DPP6: variants seen among roughly 807,000 people sequenced by gnomAD.
DPP6 encodes dipeptidyl peptidase like 6.
A neutral mutation model predicts 122.6 loss-of-function variants in DPP6; 69 were observed. That is an observed-to-expected ratio of 0.56 (90% CI 0.46 to 0.69). DPP6 has a LOEUF of 0.69. Among genes scored for constraint, DPP6 ranks in the 30% least tolerant of loss-of-function variants. The pLI is 0.00. For missense variants in DPP6, 928 were observed against 1,116.9 expected (o/e 0.83, Z 2.41); for synonymous variants, 418 against 433.1 (o/e 0.97, Z 0.43).
At chr7:154,195,919 G>C (rs1386298476) in intron 1 of DPP6, among the ~76,000 whole-genome samples, 1 of 152,182 alleles carries the variant, frequency 6.6e-6, no homozygotes, top group Non-Finnish European at 1.5e-5. Context: ...TGCCTTGTGT[G>C]AGGGATGTGG....
chr7:154,859,892 C>T (rs988112794), intron 17 of DPP6, among the ~76,000 whole-genome samples: 5 of 152,196 alleles, frequency 3.3e-5, no homozygotes, highest in African/African-American at 1.2e-4. Flanking sequence ...TGCAGCCCCA[C>T]AGCCATGCAG....
intron 1 of DPP6, among the ~76,000 whole-genome samples, chr7:154,261,076 A>G (rs1184737051): frequency 6.6e-6 from 1 of 152,000 alleles, no homozygotes; most frequent in East Asian, 1.9e-4. Flanking sequence ...TTGTATTTTT[A>G]GTAGAGACAG....
intron 16 of DPP6, among the ~76,000 whole-genome samples, chr7:154,815,314 C>G (rs533940590): frequency 6.6e-6 from 1 of 152,310 alleles, no homozygotes; most frequent in African/African-American, 2.4e-5. Context: ...TACTTCTTCC[C>G]TGTCATAATG....
chr7:153,786,751 A>G, the DPP6 span, among the ~76,000 whole-genome samples: 6 of 141,804 alleles, frequency 4.2e-5, no homozygotes, highest in African/African-American at 7.7e-5. Context: ...AAAAAAAAAA[A>G]AAAAAAAAAA....
chr7:154,529,706 G>T (rs1040381390), intron 3 of DPP6, among the ~76,000 whole-genome samples: 2 of 152,098 alleles, frequency 1.3e-5, no homozygotes, highest in Admixed American at 1.3e-4. Flanking sequence ...AATCTCAGCA[G>T]AAAACATAAA....
chr7:153,994,836 C>T (rs1198425756), intron 1 of DPP6, among the ~76,000 whole-genome samples: 1 of 152,024 alleles, frequency 6.6e-6, no homozygotes, highest in Admixed American at 6.5e-5. Flanking sequence ...ATAAAATGTC[C>T]CTACAGATAA....
At chr7:154,512,590 A>T (rs1192986041) in intron 3 of DPP6, among the ~76,000 whole-genome samples, 1 of 152,172 alleles carries the variant, frequency 6.6e-6, no homozygotes, top group Non-Finnish European at 1.5e-5. Flanking sequence ...GATGGGGAGG[A>T]TAATGAAGGC....
the DPP6 span, among the ~76,000 whole-genome samples, chr7:153,869,619 G>A: frequency 6.6e-6 from 1 of 152,160 alleles, no homozygotes; most frequent in East Asian, 1.9e-4. Flanking sequence ...GCTAGTCTGT[G>A]TCTTTTAATC....
intron 1 of DPP6, among the ~76,000 whole-genome samples, chr7:154,320,652 T>C (rs977400330): frequency 6.6e-6 from 1 of 152,090 alleles, no homozygotes; most frequent in African/African-American, 2.4e-5. Context: ...GGCCAGCTAA[T>C]TTTTTGTACT....
the DPP6 span, among the ~76,000 whole-genome samples, chr7:153,763,528 C>T: frequency 1.6e-4 from 25 of 151,862 alleles, no homozygotes; most frequent in Non-Finnish European, 3.1e-4. Context: ...GGCTTTGTGG[C>T]GAGAGACAAA....
At chr7:153,912,278 C>T (rs749366278) in intron 1 of DPP6, among the ~76,000 whole-genome samples, 2 of 152,150 alleles carry the variant, frequency 1.3e-5, no homozygotes, top group Admixed American at 6.5e-5. Flanking sequence ...AACATATACA[C>T]ACTCAAATAA....
At chr7:153,759,770 T>C in the DPP6 span, among the ~76,000 whole-genome samples, 2 of 152,176 alleles carry the variant, frequency 1.3e-5, no homozygotes, top group African/African-American at 4.8e-5. Flanking sequence ...CTAGAAAAAT[T>C]CTAGAAGAAA....
chr7:154,876,568 GA>G (rs1382850567), intron 20 of DPP6, among the ~76,000 whole-genome samples: 3 of 152,198 alleles, frequency 2.0e-5, no homozygotes, highest in Non-Finnish European at 4.4e-5. Context: ...GGTGGGGCCA[GA>G]ATGCCCTTCC....
chr7:154,479,250 G>T (rs562890090), intron 3 of DPP6, among the ~76,000 whole-genome samples: 1 of 152,298 alleles, frequency 6.6e-6, no homozygotes, highest in South Asian at 2.1e-4. Flanking sequence ...AATGAGGTGT[G>T]TAAAGCCATG....
intron 1 of DPP6, among the ~76,000 whole-genome samples, chr7:153,958,490 A>G (rs1341186794): frequency 6.6e-6 from 1 of 152,110 alleles, no homozygotes; most frequent in African/African-American, 2.4e-5. Context: ...TAGACTAACT[A>G]GGTGGGTGAG....
chr7:154,233,571 C>T (rs927542669), intron 1 of DPP6, among the ~76,000 whole-genome samples: 1 of 152,124 alleles, frequency 6.6e-6, no homozygotes, highest in African/African-American at 2.4e-5. Context: ...CACAGACACC[C>T]ACAGGGAGAA....
intron 1 of DPP6, among the ~76,000 whole-genome samples, chr7:154,216,287 G>C (rs573014131): frequency 9.7e-4 from 147 of 152,310 alleles, no homozygotes; most frequent in African/African-American, 3.4e-3. Flanking sequence ...GTCTGCCACA[G>C]CTTTTGGCAA....
the DPP6 span, among the ~76,000 whole-genome samples, chr7:153,841,253 G>A: frequency 6.6e-6 from 1 of 152,154 alleles, no homozygotes; most frequent in Admixed American, 6.5e-5. Flanking sequence ...TATACACAAA[G>A]ATGCATTGTC....
At chr7:153,964,083 T>A (rs1222228444) in intron 1 of DPP6, among the ~76,000 whole-genome samples, 1 of 152,066 alleles carries the variant, frequency 6.6e-6, no homozygotes, top group South Asian at 2.1e-4. Flanking sequence ...GCAATCTCCA[T>A]CTCCCGGGCT....
Sources: allele counts gnomAD v4.1 joint callset (sites outside exome capture counted in the v4.1 genomes callset), GRCh38; gene constraint gnomAD v4.1.1; transcripts MANE v1.5; gene names NCBI Gene and HGNC (gene_info 2026-07-23, HGNC 2026-07-21).